SYT17: variants seen among roughly 807,000 people sequenced by gnomAD.
SYT17 encodes synaptotagmin 17.
In SYT17, 22 loss-of-function variants were observed where a neutral mutation model predicts 46.7. The ratio of observed to expected loss-of-function variants is 0.47; its 90% CI spans 0.34 to 0.67. The LOEUF (loss-of-function observed/expected upper bound fraction) is 0.67, where lower values mean the gene tolerates loss of function less well. Among genes scored for constraint, SYT17 ranks in the 30% least tolerant of loss-of-function variants. The probability of loss-of-function intolerance (pLI) is 0.01; values close to 1 mark genes in which losing one functional copy is unlikely to be tolerated. For missense variants in SYT17, 519 were observed against 612.8 expected, an observed-to-expected ratio of 0.85 and a Z score of 1.62; for synonymous variants, 251 against 248.4, an observed-to-expected ratio of 1.01 and a Z score of -0.10.
chr16:19,240,460 A>G (rs1485081304), intron 7 of SYT17, among the ~76,000 whole-genome samples: 3 of 151,904 alleles, frequency 2.0e-5, no homozygotes, highest in Admixed American at 1.3e-4. Flanking sequence ...CAGCAGCTGG[A>G]CAGCCTGTAG....
intron 7 of SYT17, among the ~76,000 whole-genome samples, chr16:19,228,630 G>C (rs978718451): frequency 6.6e-6 from 1 of 152,050 alleles, no homozygotes; most frequent in Non-Finnish European, 1.5e-5. Flanking sequence ...TCATTGTTCC[G>C]AACCACAGCT....
intron 7 of SYT17, among the ~76,000 whole-genome samples, chr16:19,261,361 A>T (rs968916716): frequency 6.6e-6 from 1 of 152,250 alleles, no homozygotes; most frequent in Non-Finnish European, 1.5e-5. Flanking sequence ...ATTAACTCAG[A>T]TGGCCATGGC....
intron 5 of SYT17, among the ~76,000 whole-genome samples, chr16:19,199,775 T>C (rs1478622797): frequency 6.6e-6 from 1 of 152,166 alleles, no homozygotes; most frequent in African/African-American, 2.4e-5. Flanking sequence ...ATGATATTGA[T>C]ATCTATGAAT....
Position 19,223,170 on chromosome 16 carries a change from C to T in SYT17, c.1072+5C>T, listed in dbSNP as rs72779567. On this transcript the variant is annotated splice_donor_5th_base_variant and intron_variant, in intron 6 of 7. Coordinates refer to ENST00000355377, the MANE Select transcript of SYT17 (RefSeq NM_016524.4). ...CAGATGTGAGCCAAGGTTCAGGTAC[C>T]GTGTGATTCCCCTCTTCTCTCACTT... 0.012 allele frequency: 19,536 copies of T among 1,612,840 alleles called. 152 individuals are homozygous for T. Among genetic ancestry groups the T allele is most frequent in the Non-Finnish European group, 0.015 (17,606 of 1,179,082 alleles).
At chr16:19,227,464 C>T (rs1379530183) in intron 7 of SYT17, among the ~76,000 whole-genome samples, 6 of 151,944 alleles carry the variant, frequency 3.9e-5, no homozygotes, top group Admixed American at 2.6e-4. Context: ...TATAGGTGCA[C>T]GCCACCATGC....
At chr16:19,231,171 C>T (rs1966667281) in intron 7 of SYT17, among the ~76,000 whole-genome samples, 2 of 152,116 alleles carry the variant, frequency 1.3e-5, no homozygotes, top group African/African-American at 2.4e-5. Context: ...TTGGAGAAAT[C>T]CCTAAATTTG....
intron 5 of SYT17, among the ~76,000 whole-genome samples, chr16:19,213,735 G>T (rs1965990565): frequency 6.6e-6 from 1 of 152,132 alleles, no homozygotes. Flanking sequence ...TTGCTTTGTT[G>T]CCCAGGCTGG....
intron 7 of SYT17, among the ~76,000 whole-genome samples, chr16:19,260,336 CAAAAAAAAAAA>C (rs34504914): frequency 4.4e-5 from 1 of 22,884 alleles, no homozygotes; most frequent in Non-Finnish European, 7.1e-5. Context: ...CAGAAAATAC[CAAAAAAAAAAA>C]AAAAAAAAAA....
At chr16:19,192,976 T>C (rs1965086367) in intron 5 of SYT17, among the ~76,000 whole-genome samples, 1 of 152,158 alleles carries the variant, frequency 6.6e-6, no homozygotes, top group Admixed American at 6.5e-5. Context: ...GAGATTCTAA[T>C]GTAGGTAAAC....
At chr16:19,219,589 T>C (rs2142848956) in intron 5 of SYT17, among the ~76,000 whole-genome samples, 1 of 152,324 alleles carries the variant, frequency 6.6e-6, no homozygotes, top group South Asian at 2.1e-4. Flanking sequence ...TGTTTGTTGA[T>C]TTTTGGCAAA....
chr16:19,255,055 C>T (rs150880711), intron 7 of SYT17, among the ~76,000 whole-genome samples: 23 of 152,304 alleles, frequency 1.5e-4, no homozygotes, highest in Admixed American at 5.9e-4. Context: ...TCCACTCCCC[C>T]GTTTCTCTCC....
chr16:19,255,231 G>C (rs1283582248), intron 7 of SYT17, among the ~76,000 whole-genome samples: 2 of 152,254 alleles, frequency 1.3e-5, no homozygotes, highest in East Asian at 3.9e-4. Context: ...TTGGGAGAGG[G>C]GAGGCTTCGG....
At chr16:19,202,592 T>A (rs779630261) in intron 5 of SYT17, among the ~76,000 whole-genome samples, 4 of 152,198 alleles carry the variant, frequency 2.6e-5, no homozygotes, top group Non-Finnish European at 5.9e-5. Context: ...GCCCCTCCCC[T>A]CCCTGGAGGT....
At chr16:19,223,849 A>T (rs898451030) in intron 6 of SYT17, among the ~76,000 whole-genome samples, 1 of 152,198 alleles carries the variant, frequency 6.6e-6, no homozygotes, top group Non-Finnish European at 1.5e-5. Context: ...AGTGGAGGCA[A>T]TGGTATTAAG....
In SYT17 at chr16:19,168,985, G is replaced by T. The variant is rs994142588; in HGVS notation, c.15+324G>T. ...CTCCTTGGCACCCCACCCCAGGGGA[G>T]GGGCCGTGGGGAGGGCGGCCCGGGG... On this transcript the variant is annotated intron_variant, in intron 1 of 7. Transcript: ENST00000355377. The surrounding 1 kb of genome is among the most constrained non-coding windows in gnomAD (Gnocchi z 6.9). Among the ~76,000 whole-genome samples, 1 of 151,728 alleles carries T rather than the reference G, an allele frequency of 6.6e-6. No individual in the cohort carries two copies. The highest frequency in any genetic ancestry group is 2.1e-4 in the South Asian group (1 of 4,812).
At chr16:19,233,912 G>T (rs761311047) in intron 7 of SYT17, among the ~76,000 whole-genome samples, 3 of 152,158 alleles carry the variant, frequency 2.0e-5, no homozygotes, top group Non-Finnish European at 2.9e-5. Context: ...AGCAGCCTCT[G>T]TCTTTTCCCC....
intron 5 of SYT17, among the ~76,000 whole-genome samples, chr16:19,205,865 A>G (rs983489256): frequency 6.6e-6 from 1 of 152,224 alleles, no homozygotes; most frequent in East Asian, 1.9e-4. Context: ...CTTAACTGCT[A>G]TCAGACATTA....
rs781762994 is a variant in SYT17, at chr16:19,235,001, C to G, written c.1228+10163C>G. On this transcript the variant is annotated intron_variant, in intron 7 of 7. Transcript: ENST00000355377. Reference sequence around the variant, plus strand: ...GTGCCAACTCAGATGCAGAACCAGGCGTTTGTGCTCCCTGAAGTTTCTTGG... The same window carrying G: ...GTGCCAACTCAGATGCAGAACCAGGGGTTTGTGCTCCCTGAAGTTTCTTGG... Among the ~76,000 whole-genome samples the G allele has an allele frequency of 9.2e-5, 14 of 152,238 alleles. No individual in the cohort carries two copies. The South Asian group carries it at 1.0e-3, about 11-fold the overall frequency.
chr16:19,232,924 C>T (rs950686839), intron 7 of SYT17, among the ~76,000 whole-genome samples: 24 of 152,234 alleles, frequency 1.6e-4, no homozygotes, highest in Admixed American at 4.6e-4. Flanking sequence ...CCTGTCTGTA[C>T]GTTAGTATTA....
Sources: allele counts gnomAD v4.1 joint callset (sites outside exome capture counted in the v4.1 genomes callset), GRCh38; gene constraint gnomAD v4.1.1; non-coding constraint Gnocchi (gnomAD v3.1); transcripts MANE v1.5; gene names NCBI Gene and HGNC (gene_info 2026-07-23, HGNC 2026-07-21).